Variants in PKD1 observed in about 807,000 individuals in gnomAD.
PKD1 encodes the protein polycystin-1.
Under a neutral mutation model 361.7 loss-of-function variants are expected in PKD1, and 81 were observed. The ratio of observed to expected loss-of-function variants is 0.22; its 90% CI spans 0.19 to 0.27. PKD1 has a LOEUF of 0.27. PKD1 is among the 10% of genes least tolerant of loss of function. The probability of loss-of-function intolerance (pLI) is 1.00; values close to 1 mark genes in which losing one functional copy is unlikely to be tolerated. For synonymous variants in PKD1, 3,615 were observed against 2,818.3 expected, an observed-to-expected ratio of 1.28 and a Z score of -8.95; for missense variants, 6,399 against 6,118.3, an observed-to-expected ratio of 1.05 and a Z score of -1.53.
Position 2,093,730 on chromosome 16 carries a change from C to T in PKD1, c.10830G>A (p.Leu3610=), listed in dbSNP as rs1207155340. 3 of 1,585,306 alleles carry T rather than the reference C, an allele frequency of 1.9e-6. No individual in the cohort carries two copies. The highest frequency in any genetic ancestry group is 2.6e-6 in the Non-Finnish European group (3 of 1,165,128). The part of the protein sequence containing the change: ...FLGWEPLKVL[L]EALYFSLVAK... ...CCACCAGTGAGAAGTACAGGGCTTC[C>T]AGCAAGACCTGGGGAGGGGGTGGCT... The change falls in exon 37 of 46, where the codon CTG becomes CTA. Residue 3610 remains leucine, a synonymous_variant. Transcript: ENST00000262304.
At chr16:2,094,909 C>T (rs2091780120) in intron 34 of PKD1, 1 of 152,642 alleles carries the variant, frequency 6.6e-6, no homozygotes, top group Non-Finnish European at 1.5e-5. Context: ...GTCAGCCCAT[C>T]ACCGAAAGAA....
intron 1 of PKD1, chr16:2,123,335 A>C (rs1047116537): frequency 1.1e-5 from 4 of 348,542 alleles, no homozygotes; most frequent in Non-Finnish European, 2.3e-5. Flanking sequence ...CCCAGCCCCC[A>C]GGGTGTGGAA....
In PKD1 at chr16:2,089,915, G is replaced by T. The variant is rs1181168635; in HGVS notation, c.12724C>A (p.Gln4242Lys). 6.2e-7 allele frequency: 1 copy of T among 1,611,942 alleles called. No homozygotes were observed. The highest frequency in any genetic ancestry group is 8.5e-7 in the Non-Finnish European group (1 of 1,179,686). Residue 4242 changes from glutamine to lysine, a missense_variant, in exon 46 of 46, where the codon CAG becomes AAG. Coordinates refer to ENST00000262304, the MANE Select transcript of PKD1 (RefSeq NM_001009944.3). ...ATEDVYQLEQ[Q>K]LHSLQGRRSS... ...CTGCGGCCTTGCAGGCTGTGCAGCT[G>T]CTGCTCCAGCTGGTAGACGTCCTCT...
rs776070684 is a variant in PKD1 at position 2,111,123 on chromosome 16, G to A, written c.4044C>T (p.Asn1348=). The change falls in exon 15 of 46, where the codon AAC becomes AAT. Residue 1348 remains asparagine, a synonymous_variant. Coordinates refer to ENST00000262304, the MANE Select transcript of PKD1 (RefSeq NM_001009944.3). The stretch of plus-strand genomic sequence containing the variant: ...GGGGGAACGTGCCGCTCCGCGTGAA[G>A]TTGTGTGTCACCGTCGGGCACCCCC... ...TVRGCPTVTH[N]FTRSGTFPLA... 2.5e-5 allele frequency: 41 copies of A among 1,610,968 alleles called. 2 individuals are homozygous for A. In the South Asian group the frequency reaches 3.7e-4, roughly 15 times the overall value.
intron 1 of PKD1, chr16:2,123,657 T>C (rs2092756437): frequency 1.2e-5 from 5 of 411,268 alleles, no homozygotes; most frequent in South Asian, 8.9e-5. Context: ...CCTGCAAGGA[T>C]GGGGGACACA....
chr16:2,108,315 G>T lies in PKD1; in HGVS notation c.6852C>A (p.Pro2284=), dbSNP rs1294951044. The T allele has an allele frequency of 3.7e-6, 6 of 1,603,074 alleles. No individual in the cohort carries two copies. In the Admixed American group the frequency reaches 1.0e-4, roughly 27 times the overall value. The part of the protein sequence containing the change: ...LVLDGSESYD[P]NLEDGDQTPL... The stretch of plus-strand genomic sequence containing the variant: ...GCGTCTGGTCGCCGTCCTCCAGGTT[G>T]GGGTCGTAGGACTCGCTCCCATCCA... Residue 2284 remains proline, a synonymous_variant, in exon 15 of 46, where the codon CCC becomes CCA. Transcript: ENST00000262304.
chr16:2,103,589 A>G lies in PKD1; in HGVS notation c.8468T>C (p.Val2823Ala). The G allele has an allele frequency of 6.2e-7, 1 of 1,610,344 alleles. No homozygotes were observed. Among genetic ancestry groups the G allele is most frequent in the Non-Finnish European group, 8.5e-7 (1 of 1,179,686 alleles). ...SGALANLSDV[V>A]QLIFLVDSNP... ...GGAGTCCACCAGAAAGATGAGCTGCACCACGTCACTGAGGTTGGCCAGGGC... is the reference window on the plus strand; with the variant it reads ...GGAGTCCACCAGAAAGATGAGCTGCGCCACGTCACTGAGGTTGGCCAGGGC... Residue 2823 changes from valine (V) to alanine (A), a missense_variant, in exon 23 of 46, where the codon GTG becomes GCG. Coordinates refer to ENST00000262304, the MANE Select transcript of PKD1 (RefSeq NM_001009944.3).
At chr16:2,095,496 G>C (rs1172397793) in intron 34 of PKD1, 1 of 152,278 alleles carries the variant, frequency 6.6e-6, no homozygotes, top group Non-Finnish European at 1.5e-5. Context: ...TCAGGGAGCA[G>C]GCTCTCGCTG....
rs373501552 is a variant in PKD1, at chr16:2,110,292, G to A, written c.4875C>T (p.Phe1625=). The part of the protein sequence containing the change: ...NEVGSAQDSI[F]VYVLQLIEGL... ...CCTCTATGAGCTGCAGGACATAGAC[G>A]AAGATGCTGTCCTGGGCGGAGCCCA... The change falls in exon 15 of 46, where the codon TTC becomes TTT. Residue 1625 remains phenylalanine (F), a synonymous_variant. Coordinates refer to ENST00000262304, the MANE Select transcript of PKD1 (RefSeq NM_001009944.3). 2.0e-5 allele frequency: 32 copies of A among 1,612,498 alleles called. No homozygotes were observed. The Admixed American group carries it at 2.2e-4, about 11-fold the overall frequency.
Position 2,090,083 on chromosome 16 carries a change from G to T in PKD1, c.12556C>A (p.His4186Asn). ...AGCTGGCTGGAGGAGGTGGAGGGGTGCGAGGCATCGGAGCCAGCGCTGGGT... is the reference window on the plus strand; with the variant it reads ...AGCTGGCTGGAGGAGGTGGAGGGGTTCGAGGCATCGGAGCCAGCGCTGGGT... ...PPPSAGSDAS[H>N]PSTSSSQLDG... The change falls in exon 46 of 46, where the codon CAC (histidine) becomes AAC (asparagine). Residue 4186 changes from histidine to asparagine, a missense_variant. Transcript: ENST00000262304. The T allele has an allele frequency of 6.2e-7, 1 of 1,609,410 alleles. No homozygotes were observed. Among genetic ancestry groups the T allele is most frequent in the African/African-American group, 1.3e-5 (1 of 75,004 alleles).
chr16:2,099,911 G>C lies in PKD1; in HGVS notation c.9873C>G (p.Phe3291Leu), dbSNP rs767268955. 7 of 1,566,752 alleles carry C rather than the reference G, an allele frequency of 4.5e-6. No homozygotes were observed. Among genetic ancestry groups the C allele is most frequent in the Non-Finnish European group, 5.2e-6 (6 of 1,157,252 alleles). ...CGTACCACACGGCGTTGGCGCCCAG[G>C]AAGAGGCAGATGAGGAGAACGCAGC... Reference protein sequence around the residue: ...ATCCVLLICLFLGANAVWYGA... With the variant: ...ATCCVLLICLLLGANAVWYGA... Residue 3291 changes from phenylalanine to leucine, a missense_variant, in exon 29 of 46, where the codon TTC (phenylalanine) becomes TTG (leucine). Physicochemically the swap from Phe to Leu is conservative, Grantham distance 22 (BLOSUM62 0). Coordinates refer to ENST00000262304, the MANE Select transcript of PKD1 (RefSeq NM_001009944.3).
chr16:2,091,978 G>A lies in PKD1; in HGVS notation c.11411+69C>T, dbSNP rs893313827. The A allele has an allele frequency of 1.3e-5, 21 of 1,611,954 alleles. No homozygotes were observed. The South Asian group carries it at 1.5e-4, about 12-fold the overall frequency. ...ACCCCGGAGCCAGGCTGGTCAGGAG[G>A]CCGCGGCACTCCTGGAGAACTACTC... On this transcript the variant is annotated intron_variant, in intron 40 of 45. Transcript: ENST00000262304.
At chr16:2,116,349 C>A (rs1270271979) in intron 8 of PKD1, among the ~76,000 whole-genome samples, 180 bp downstream of exon 8, 2 of 152,210 alleles carry the variant, frequency 1.3e-5, no homozygotes, top group Non-Finnish European at 2.9e-5. Flanking sequence ...GAGAAAAGGC[C>A]TGGAGGTAAT....
intron 1 of PKD1, among the ~76,000 whole-genome samples, chr16:2,120,741 G>A (rs1386048544): frequency 3.3e-5 from 5 of 152,160 alleles, no homozygotes; most frequent in Admixed American, 1.3e-4. Context: ...AAAGATGGCC[G>A]GGCACGGTGG....
At position 2,111,035 on chromosome 16, in the gene PKD1, G is replaced by A; in HGVS notation, c.4132C>T (p.Pro1378Ser). Residue 1378 changes from proline (P) to serine (S), a missense_variant, in exon 15 of 46, where the codon CCA becomes TCA. Pro to Ser is a moderately conservative substitution (Grantham distance 74). Transcript: ENST00000262304. ...TGCAGGGTGACGTTGCCCACCTCTG[G>A]CTCCACGCAGATGCTGGTGAAGTAA... The part of the protein sequence containing the change: ...AHYFTSICVE[P>S]EVGNVTLQPE... 3 of 1,610,704 alleles carry A rather than the reference G, an allele frequency of 1.9e-6. No homozygotes were observed. Among genetic ancestry groups the A allele is most frequent in the East Asian group, 2.2e-5 (1 of 44,890 alleles).
chr16:2,098,127 C>T, intron 30 of PKD1, 143 bp from the exon 31 acceptor site: 3 of 631,038 alleles, frequency 4.8e-6, no homozygotes, highest in Non-Finnish European at 8.6e-6. Context: ...GGGACATCTG[C>T]ACCGTCCGTG....
Position 2,093,036 on chromosome 16 carries a change from C to T in PKD1, c.11074G>A (p.Ala3692Thr). Reference sequence around the variant, plus strand: ...CGGTAGGCGTGCCCATGGCATGAGGCATCCCCATAGCTGGCCAGCAGGGTC... The same window carrying T: ...CGGTAGGCGTGCCCATGGCATGAGGTATCCCCATAGCTGGCCAGCAGGGTC... ...LVTLLASYGD[A>T]SCHGHAYRLQ... is the part of the protein sequence containing the mutation. The change falls in exon 38 of 46, where the codon GCC becomes ACC. Residue 3692 changes from alanine (A) to threonine (T), a missense_variant. Transcript: ENST00000262304. 1 of 1,612,930 alleles carries T rather than the reference C, an allele frequency of 6.2e-7. No individual in the cohort carries two copies. Among genetic ancestry groups the T allele is most frequent in the South Asian group, 1.1e-5 (1 of 91,086 alleles).
rs1256684213 is a variant in PKD1 at position 2,102,543 on chromosome 16, G to A, written c.9039C>T (p.Ser3013=). The A allele has an allele frequency of 6.2e-7, 1 of 1,610,422 alleles. No homozygotes were observed. The highest frequency in any genetic ancestry group is 1.1e-5 in the South Asian group (1 of 90,936). Residue 3013 remains serine (S), a synonymous_variant, in exon 25 of 46, where the codon TCC becomes TCT. Transcript: ENST00000262304. ...CCTCCTCGCTGAAGTACTGGCACAG[G>A]GACGTGTACAGGCCCACGGACACCT... ...ALQVSVGLYT[S]LCQYFSEEDM... is the part of the protein sequence containing the mutation.
chr16:2,100,417 G>C lies in PKD1; in HGVS notation c.9547C>G (p.Arg3183Gly), dbSNP rs1485297878. 1 of 1,611,126 alleles carries C rather than the reference G, an allele frequency of 6.2e-7. No homozygotes were observed. Among genetic ancestry groups the C allele is most frequent in the African/African-American group, 1.3e-5 (1 of 74,860 alleles). The change falls in exon 27 of 46, where the codon CGA becomes GGA. Residue 3183 changes from arginine (R) to glycine (G), a missense_variant. Transcript: ENST00000262304. This position sits in a 1 kb window ranked among gnomAD's most constrained non-coding sequence, Gnocchi z 4.4. ...AAACCTTTGTTGTCGTGCCACACTC[G>C]GATCTTCCACACGCTACCCAGGCTG... is the stretch of plus-strand genomic sequence containing the variant. ...PHSLGSVWKIRVWHDNKGLSP... is the reference protein window; with the variant it reads ...PHSLGSVWKIGVWHDNKGLSP...
Sources: allele counts gnomAD v4.1 joint callset (sites outside exome capture counted in the v4.1 genomes callset), GRCh38; gene constraint gnomAD v4.1.1; non-coding constraint Gnocchi (gnomAD v3.1); transcripts MANE v1.5; gene names NCBI Gene and HGNC (gene_info 2026-07-23, HGNC 2026-07-21).